The following SDCCAG8 variants were observed in gnomAD, a reference collection of about 807,000 sequenced individuals.
SDCCAG8 encodes the protein serologically defined colon cancer antigen 8.
A neutral mutation model predicts 101.8 loss-of-function variants in SDCCAG8; 74 were observed. The observed-to-expected ratio is 0.73, with a 90% CI of 0.60 to 0.88. The LOEUF is 0.88. SDCCAG8 is among the 40% of genes least tolerant of loss of function. SDCCAG8 has a pLI of 0.00. For missense variants in SDCCAG8, 787 were observed against 822.6 expected (o/e 0.96, Z 0.53); for synonymous variants, 281 against 292.9 (o/e 0.96, Z 0.41).
chr1:243,309,514 G>A (rs918579049), intron 8 of SDCCAG8, among the ~76,000 whole-genome samples: 1 of 152,186 alleles, frequency 6.6e-6, no homozygotes, highest in Non-Finnish European at 1.5e-5. Context: ...GTGAGTTGCT[G>A]TTGTTTTCGA....
At chr1:243,497,597 C>T (rs577680313) in intron 17 of SDCCAG8, among the ~76,000 whole-genome samples, 1 of 152,236 alleles carries the variant, frequency 6.6e-6, no homozygotes, top group South Asian at 2.1e-4. Context: ...TGCTAGGTGG[C>T]CTGGGAGCCC....
chr1:243,256,272 C>G (rs374756326), intron 1 of SDCCAG8, 32 bp downstream of exon 1: 91 of 1,598,576 alleles, frequency 5.7e-5, no homozygotes, highest in Non-Finnish European at 7.5e-5. Context: ...TCCCTAGCCC[C>G]GAGGTGCCCA....
At chr1:243,447,281 G>A (rs1268601390) in intron 16 of SDCCAG8, among the ~76,000 whole-genome samples, 4 of 132,214 alleles carry the variant, frequency 3.0e-5, no homozygotes, top group Middle Eastern at 4.0e-3. Flanking sequence ...AAAAAACCAT[G>A]CCTCATTCTT....
chr1:243,272,937 ACTAAAGCC>A (rs1368572553), intron 3 of SDCCAG8, among the ~76,000 whole-genome samples: 3 of 152,230 alleles, frequency 2.0e-5, no homozygotes, highest in East Asian at 3.8e-4. Flanking sequence ...AGATATCTAA[ACTAAAGCC>A]CTTCAAAGTA....
intron 12 of SDCCAG8, among the ~76,000 whole-genome samples, chr1:243,350,383 T>C (rs1199886095): frequency 6.6e-6 from 1 of 151,906 alleles, no homozygotes; most frequent in Non-Finnish European, 1.5e-5. Flanking sequence ...TATTTTGTTG[T>C]TGTTGTTGTT....
intron 9 of SDCCAG8, among the ~76,000 whole-genome samples, chr1:243,317,780 G>A (rs902990902): frequency 4.6e-5 from 7 of 152,170 alleles, no homozygotes; most frequent in African/African-American, 1.4e-4. Context: ...ACCGTAATCC[G>A]TTAAAGTTGC....
At chr1:243,395,719 T>C (rs1357859089) in intron 13 of SDCCAG8, among the ~76,000 whole-genome samples, 2 of 152,120 alleles carry the variant, frequency 1.3e-5, no homozygotes, top group African/African-American at 4.8e-5. Context: ...TTTAAAAATA[T>C]GTCTGAAAAA....
chr1:243,274,528 TA>T lies in SDCCAG8; in HGVS notation c.307-14del. The T allele has an allele frequency of 7.3e-7, 1 of 1,373,960 alleles. No homozygotes were observed. Among genetic ancestry groups the T allele is most frequent in the Non-Finnish European group, 1.0e-6 (1 of 966,112 alleles). 85.1% of individuals were successfully genotyped at this position (1,373,960 alleles called of 1,614,324 possible). On this transcript the variant is annotated splice_polypyrimidine_tract_variant and intron_variant, in intron 3 of 17. Coordinates refer to ENST00000366541, the MANE Select transcript of SDCCAG8 (RefSeq NM_006642.5). ...TTATGTATTTATGTATTTATTTATT[TA>T]TTTTTTGTCATAGAGGTCATTAGAA...
At chr1:243,352,485 C>T (rs2076133490) in intron 12 of SDCCAG8, among the ~76,000 whole-genome samples, 1 of 152,218 alleles carries the variant, frequency 6.6e-6, no homozygotes, top group South Asian at 2.1e-4. Context: ...AGTGCCTTCT[C>T]AGGTACCAAC....
chr1:243,320,538 A>T (rs1210238707), intron 9 of SDCCAG8, among the ~76,000 whole-genome samples: 2 of 152,112 alleles, frequency 1.3e-5, no homozygotes, highest in Non-Finnish European at 2.9e-5. Flanking sequence ...CGTCAAAGGC[A>T]GGAGGGCTTA....
At chr1:243,387,098 C>T (rs183647493) in intron 13 of SDCCAG8, among the ~76,000 whole-genome samples, 4 of 152,312 alleles carry the variant, frequency 2.6e-5, no homozygotes, top group African/African-American at 7.2e-5. Context: ...AGGCCAGGGG[C>T]GGTGGCTTAT....
chr1:243,435,463 A>G (rs1433612617), intron 16 of SDCCAG8, among the ~76,000 whole-genome samples: 2 of 152,122 alleles, frequency 1.3e-5, no homozygotes, highest in Non-Finnish European at 2.9e-5. Context: ...TTCATTCAAC[A>G]TATTTATTAG....
intron 12 of SDCCAG8, among the ~76,000 whole-genome samples, chr1:243,377,576 A>G (rs548191463): frequency 6.6e-6 from 1 of 152,004 alleles, no homozygotes; most frequent in African/African-American, 2.4e-5. Context: ...GATAAACTGA[A>G]TATTTATACT....
At chr1:243,304,901 T>C in intron 7 of SDCCAG8, 124 bp downstream of exon 7, 1 of 670,748 alleles carries the variant, frequency 1.5e-6, no homozygotes, top group Non-Finnish European at 2.6e-6. Flanking sequence ...TTTAATACAC[T>C]TTAAAAAATT....
intron 1 of SDCCAG8, among the ~76,000 whole-genome samples, chr1:243,266,034 A>C (rs528424391): frequency 6.6e-6 from 1 of 152,318 alleles, no homozygotes; most frequent in Admixed American, 6.5e-5. Flanking sequence ...AAACGCAACA[A>C]AAATTTTTTA....
chr1:243,381,473 C>G (rs1177966539), intron 13 of SDCCAG8, among the ~76,000 whole-genome samples: 1 of 151,984 alleles, frequency 6.6e-6, no homozygotes, highest in African/African-American at 2.4e-5. Context: ...CCTATAGACC[C>G]AGCTATTTAG....
At chr1:243,369,220 A>T (rs1420537930) in intron 12 of SDCCAG8, among the ~76,000 whole-genome samples, 7 of 152,154 alleles carry the variant, frequency 4.6e-5, no homozygotes, top group Non-Finnish European at 1.0e-4. Flanking sequence ...ATTGCTGTTG[A>T]ATCAAATGGG....
chr1:243,494,551 CTT>C (rs1044777031), intron 17 of SDCCAG8, among the ~76,000 whole-genome samples: 1 of 152,176 alleles, frequency 6.6e-6, no homozygotes, highest in African/African-American at 2.4e-5. Context: ...GACAGTTAAA[CTT>C]TTTGTTTTTT....
intron 12 of SDCCAG8, among the ~76,000 whole-genome samples, chr1:243,357,127 C>T (rs1206141017): frequency 3.3e-5 from 5 of 152,158 alleles, no homozygotes; most frequent in Admixed American, 6.5e-5. Flanking sequence ...TGCCTGTAAT[C>T]CCGGCGCTTT....
Sources: gnomAD v4.1 joint callset for allele counts (sites outside exome capture counted in the v4.1 genomes callset) on GRCh38, gnomAD v4.1.1 for gene constraint, MANE v1.5 for transcripts, NCBI Gene and HGNC (gene_info 2026-07-23, HGNC 2026-07-21) for gene names.